The following AKAP12 variants were observed in gnomAD, a reference collection of about 807,000 sequenced individuals.
AKAP12 encodes the protein A-kinase anchor protein 12.
A neutral mutation model predicts 79.9 loss-of-function variants in AKAP12; 32 were observed. The observed-to-expected ratio is 0.40, with a 90% CI of 0.30 to 0.54. AKAP12 has a LOEUF of 0.54. Ranked by LOEUF, AKAP12 falls within the 20% of genes least tolerant of loss-of-function variation. AKAP12 has a pLI of 0.48. For synonymous variants in AKAP12, 808 were observed against 857.0 expected (o/e 0.94, Z 1.00); for missense variants, 2,074 against 2,177.0 (o/e 0.95, Z 0.94).
At chr6:151,354,773 G>A (rs1053772305) in intron 4 of AKAP12, among the ~76,000 whole-genome samples, 1 of 152,238 alleles carries the variant, frequency 6.6e-6, no homozygotes, top group Non-Finnish European at 1.5e-5. Context: ...CTGGGCTAAA[G>A]CAAATCGCCT....
intron 3 of AKAP12, among the ~76,000 whole-genome samples, chr6:151,312,848 C>T (rs1053158626): frequency 4.2e-5 from 6 of 144,336 alleles, no homozygotes; most frequent in African/African-American, 7.7e-5. Flanking sequence ...GATGGGGATT[C>T]GGAGGGTGGT....
At chr6:151,284,406 G>T (rs1237562857) in intron 2 of AKAP12, among the ~76,000 whole-genome samples, 1 of 152,120 alleles carries the variant, frequency 6.6e-6, no homozygotes, top group Non-Finnish European at 1.5e-5. Flanking sequence ...TGGAAGGATC[G>T]CTTGAGCCCA....
At chr6:151,292,296 T>C (rs960474076) in intron 2 of AKAP12, among the ~76,000 whole-genome samples, 1 of 152,248 alleles carries the variant, frequency 6.6e-6, no homozygotes, top group Admixed American at 6.5e-5. Context: ...GAATGGAGCA[T>C]GGACTTAGAA....
chr6:151,261,006 TTTCC>T (rs1797418631), intron 2 of AKAP12, among the ~76,000 whole-genome samples: 1 of 151,738 alleles, frequency 6.6e-6, no homozygotes, highest in Non-Finnish European at 1.5e-5. Context: ...CCTCCATACT[TTTCC>T]TAAACTCTTT....
intron 2 of AKAP12, among the ~76,000 whole-genome samples, chr6:151,302,882 C>G (rs1050872182): frequency 6.6e-6 from 1 of 152,144 alleles, no homozygotes; most frequent in Non-Finnish European, 1.5e-5. Context: ...TGTACATACT[C>G]AATGATATTT....
At chr6:151,272,585 TCTCGGCTCACTGCAAC>T (rs541319014) in intron 2 of AKAP12, among the ~76,000 whole-genome samples, 39 of 152,140 alleles carry the variant, frequency 2.6e-4, no homozygotes, top group African/African-American at 4.6e-4. Flanking sequence ...AGTTGTATGA[TCTCGGCTCACTGCAAC>T]CTCGGCTCAC....
intron 3 of AKAP12, among the ~76,000 whole-genome samples, chr6:151,339,349 C>A (rs993856644): frequency 1.3e-5 from 2 of 152,202 alleles, no homozygotes; most frequent in South Asian, 2.1e-4. Context: ...ACTACCCAGC[C>A]AGCCTTTGGC....
chr6:151,305,602 A>G (rs1482974778), intron 2 of AKAP12, 145 bp from the exon 3 acceptor site: 19 of 797,910 alleles, frequency 2.4e-5, no homozygotes, highest in Admixed American at 3.2e-5. Flanking sequence ...TCAGACAAAT[A>G]TAAGACTTAA....
At chr6:151,277,067 T>A (rs200460411) in intron 2 of AKAP12, among the ~76,000 whole-genome samples, 1 of 152,168 alleles carries the variant, frequency 6.6e-6, no homozygotes, top group Non-Finnish European at 1.5e-5. Flanking sequence ...ACCTGTGCAA[T>A]CTTGAAGATA....
rs540932386 is a variant in AKAP12 at position 151,254,067 on chromosome 6, C to G, written c.162+13343C>G. ...AGTTCCTGATTCCTATATTGTTAAC[C>G]TAAATATTTAAATGGAAATTTTTGT... On this transcript the variant is annotated intron_variant, in intron 2 of 4. Transcript: ENST00000402676. Among the ~76,000 whole-genome samples the G allele has an allele frequency of 2.6e-5, 4 of 152,160 alleles. No individual in the cohort carries two copies. In the South Asian group the frequency reaches 8.3e-4, roughly 32 times the overall value.
At chr6:151,311,956 A>G (rs1343151881) in intron 3 of AKAP12, among the ~76,000 whole-genome samples, 1 of 152,042 alleles carries the variant, frequency 6.6e-6, no homozygotes, top group Non-Finnish European at 1.5e-5. Context: ...CCCACCCCAT[A>G]CCTGTTTCCT....
At chr6:151,264,199 G>T (rs536189825) in intron 2 of AKAP12, among the ~76,000 whole-genome samples, 1 of 152,236 alleles carries the variant, frequency 6.6e-6, no homozygotes, top group East Asian at 1.9e-4. Flanking sequence ...GTGGAGCAGG[G>T]TGCGGCCTTG....
In AKAP12 at chr6:151,349,698, A is replaced by G; in HGVS notation, c.1307A>G (p.Glu436Gly). 6.2e-7 allele frequency: 1 copy of G among 1,614,130 alleles called. No individual in the cohort carries two copies. Among genetic ancestry groups the G allele is most frequent in the South Asian group, 1.1e-5 (1 of 91,074 alleles). Residue 436 changes from glutamate to glycine, a missense_variant, in exon 4 of 5, where the codon GAA becomes GGA. Coordinates refer to ENST00000402676, the MANE Select transcript of AKAP12 (RefSeq NM_005100.4). ...ERTEEQKTEVEETAGSVPAEE... is the reference protein window; with the variant it reads ...ERTEEQKTEVGETAGSVPAEE... ...ACCGAAGAGCAGAAAACGGAGGTGGAAGAAACAGCAGGGTCTGTGCCAGCT... is the reference window on the plus strand; with the variant it reads ...ACCGAAGAGCAGAAAACGGAGGTGGGAGAAACAGCAGGGTCTGTGCCAGCT...
chr6:151,353,568 A>G lies in AKAP12; in HGVS notation c.5177A>G (p.Glu1726Gly). ...GATGCCTCAGGAGGCTTAACCAAAGAGTCCCCAGATACAAATGGACCAAAA... is the reference window on the plus strand; with the variant it reads ...GATGCCTCAGGAGGCTTAACCAAAGGGTCCCCAGATACAAATGGACCAAAA... ...DTDASGGLTK[E>G]SPDTNGPKQK... The change falls in exon 4 of 5, where the codon GAG becomes GGG. Residue 1726 changes from glutamate (E) to glycine (G), a missense_variant. Physicochemically the swap from Glu to Gly is moderately conservative, Grantham distance 98. Coordinates refer to ENST00000402676, the MANE Select transcript of AKAP12 (RefSeq NM_005100.4). 3 of 1,614,184 alleles carry G rather than the reference A, an allele frequency of 1.9e-6. No homozygotes were observed. The highest frequency in any genetic ancestry group is 2.5e-6 in the Non-Finnish European group (3 of 1,180,014).
chr6:151,297,592 G>T (rs1214894571), intron 2 of AKAP12, among the ~76,000 whole-genome samples: 3 of 146,980 alleles, frequency 2.0e-5, no homozygotes, highest in Non-Finnish European at 4.5e-5. Flanking sequence ...AAAAAAAAAG[G>T]CTACTGTGTC....
intron 3 of AKAP12, among the ~76,000 whole-genome samples, chr6:151,338,422 CT>C (rs905042857): frequency 1.3e-5 from 2 of 150,414 alleles, no homozygotes; most frequent in Non-Finnish European, 3.0e-5. Context: ...TTTGATGTTT[CT>C]TTTGCCTATA....
At chr6:151,301,326 A>T (rs1385681514) in intron 2 of AKAP12, among the ~76,000 whole-genome samples, 1 of 152,208 alleles carries the variant, frequency 6.6e-6, no homozygotes, top group East Asian at 1.9e-4. Flanking sequence ...GTATGAAACC[A>T]TCAGGTCATA....
intron 3 of AKAP12, chr6:151,325,947 G>T (rs1476722374): frequency 2.5e-6 from 4 of 1,612,926 alleles, no homozygotes; most frequent in Non-Finnish European, 3.4e-6. Flanking sequence ...CACGAAAAGG[G>T]GCTTTCTTCC....
intron 2 of AKAP12, among the ~76,000 whole-genome samples, chr6:151,261,029 G>A (rs1797419639): frequency 6.6e-6 from 1 of 151,872 alleles, no homozygotes; most frequent in South Asian, 2.1e-4. Context: ...TTTTCTTCCA[G>A]CATGCACCTG....
Sources: allele counts gnomAD v4.1 joint callset (sites outside exome capture counted in the v4.1 genomes callset), GRCh38; gene constraint gnomAD v4.1.1; transcripts MANE v1.5; gene names NCBI Gene and HGNC (gene_info 2026-07-23, HGNC 2026-07-21).